Variants in ATP6V1C2 observed in about 807,000 individuals in gnomAD.
The protein encoded by ATP6V1C2 is ATPase H+ transporting V1 subunit C2.
In ATP6V1C2, 45 loss-of-function variants were observed where a neutral mutation model predicts 56.8. The observed-to-expected ratio is 0.79, with a 90% CI of 0.62 to 1.02. ATP6V1C2 has a LOEUF of 1.02. Among genes scored for constraint, ATP6V1C2 ranks in the 50% least tolerant of loss-of-function variants. The pLI is 0.00. For missense variants in ATP6V1C2, 463 were observed against 519.7 expected, an observed-to-expected ratio of 0.89 and a Z score of 1.06; for synonymous variants, 220 against 201.3, an observed-to-expected ratio of 1.09 and a Z score of -0.79.
chr2:10,747,751 GATA>G (rs774498228), intron 3 of ATP6V1C2, among the ~76,000 whole-genome samples: 10 of 151,652 alleles, frequency 6.6e-5, no homozygotes, highest in Admixed American at 5.3e-4. Flanking sequence ...TATTTTCTCA[GATA>G]ATAATAAAAA....
chr2:10,748,283 T>G (rs1381045466), intron 3 of ATP6V1C2, among the ~76,000 whole-genome samples: 15 of 152,212 alleles, frequency 9.9e-5, no homozygotes, highest in Admixed American at 9.8e-4. Flanking sequence ...TGCTGCTTCC[T>G]CATGGCTAGA....
At chr2:10,778,084 G>A (rs911219443) in intron 11 of ATP6V1C2, among the ~76,000 whole-genome samples, 6 of 152,172 alleles carry the variant, frequency 3.9e-5, no homozygotes, top group Admixed American at 6.5e-5. Flanking sequence ...AGTGTCAGGC[G>A]GGAGCTCGGG....
chr2:10,748,849 G>A (rs1437399905), intron 3 of ATP6V1C2, among the ~76,000 whole-genome samples: 1 of 151,990 alleles, frequency 6.6e-6, no homozygotes, highest in Non-Finnish European at 1.5e-5. Context: ...GAGTCTTCTG[G>A]CTGGACACGG....
At chr2:10,779,838 G>T (rs949139392) in intron 12 of ATP6V1C2, among the ~76,000 whole-genome samples, 5 of 152,028 alleles carry the variant, frequency 3.3e-5, no homozygotes, top group African/African-American at 1.2e-4. Context: ...AGGTTTTGTT[G>T]TTTTTTTATG....
At position 10,729,537 on chromosome 2, in the gene ATP6V1C2, A is replaced by G. The variant is rs370573666; in HGVS notation, c.197+2968A>G. Among the ~76,000 whole-genome samples, 8 of 152,300 alleles carry G rather than the reference A, an allele frequency of 5.3e-5. No homozygotes were observed. In the East Asian group the frequency reaches 1.5e-3, roughly 29 times the overall value. ...CATCTAATTTTCTCAACATATAAAT[A>G]TAATTTCTGGATAACGTAGTAATAG... is the stretch of plus-strand genomic sequence containing the variant. On this transcript the variant is annotated intron_variant, in intron 3 of 13. Transcript: ENST00000272238.
chr2:10,750,920 GCATAGTAGTTGTTAGTGCTTGGTA>G (rs1558402272), intron 3 of ATP6V1C2, among the ~76,000 whole-genome samples: 8 of 152,128 alleles, frequency 5.3e-5, no homozygotes, highest in African/African-American at 1.4e-4. Flanking sequence ...AGTGCTTGGC[GCATAGTAGTTGTTAGTGCTTGGTA>G]CATAGTAGTT....
intron 3 of ATP6V1C2, among the ~76,000 whole-genome samples, chr2:10,742,176 C>G (rs1662589434): frequency 6.6e-6 from 1 of 152,162 alleles, no homozygotes; most frequent in East Asian, 1.9e-4. Context: ...TCCCAAAGTG[C>G]TGGGATTATA....
intron 3 of ATP6V1C2, among the ~76,000 whole-genome samples, chr2:10,751,658 G>T (rs549509451): frequency 1.4e-4 from 21 of 152,190 alleles, no homozygotes; most frequent in South Asian, 8.3e-4. Flanking sequence ...GAAGGGATGG[G>T]GCACATTACT....
chr2:10,761,174 G>A (rs1663884304), intron 4 of ATP6V1C2, among the ~76,000 whole-genome samples: 1 of 152,154 alleles, frequency 6.6e-6, no homozygotes, highest in Non-Finnish European at 1.5e-5. Flanking sequence ...GAGGAGAGTA[G>A]GGAGTTGTGG....
intron 12 of ATP6V1C2, among the ~76,000 whole-genome samples, chr2:10,781,560 CA>C (rs1302614309): frequency 6.6e-6 from 1 of 152,150 alleles, no homozygotes; most frequent in Non-Finnish European, 1.5e-5. Context: ...GCCCCGTCTG[CA>C]CAGAGTACTA....
At chr2:10,754,440 G>T (rs889070724) in intron 4 of ATP6V1C2, among the ~76,000 whole-genome samples, 1 of 152,072 alleles carries the variant, frequency 6.6e-6, no homozygotes, top group African/African-American at 2.4e-5. Context: ...TGGCCAGGCT[G>T]GCCTCAAGCT....
chr2:10,748,568 C>T (rs1041374699), intron 3 of ATP6V1C2, among the ~76,000 whole-genome samples: 6 of 152,040 alleles, frequency 3.9e-5, no homozygotes, highest in African/African-American at 1.5e-4. Flanking sequence ...ATATTGTTTA[C>T]AGTGCTTTTT....
rs189358032 is a variant in ATP6V1C2, at chr2:10,759,397, G to A, written c.284-4934G>A. Among the ~76,000 whole-genome samples the A allele has an allele frequency of 6.4e-4, 98 of 152,304 alleles. 1 individual carries two copies. In the East Asian group the frequency reaches 7.7e-3, roughly 12 times the overall value. ...TCGAGGCTTGTCTGGCTTGCTGGGC[G>A]ATGGGCCGCAGTCTGGTTGGTCACA... On this transcript the variant is annotated intron_variant, in intron 4 of 13. Coordinates refer to ENST00000272238, the MANE Select transcript of ATP6V1C2 (RefSeq NM_001039362.2).
At chr2:10,755,868 G>A (rs914769444) in intron 4 of ATP6V1C2, among the ~76,000 whole-genome samples, 1 of 152,204 alleles carries the variant, frequency 6.6e-6, no homozygotes, top group Non-Finnish European at 1.5e-5. Flanking sequence ...TGTCTGCCTC[G>A]TTCGTGCTGA....
At chr2:10,740,421 A>G (rs1662485056) in intron 3 of ATP6V1C2, among the ~76,000 whole-genome samples, 1 of 152,122 alleles carries the variant, frequency 6.6e-6, no homozygotes, top group Non-Finnish European at 1.5e-5. Context: ...GCACAACTCC[A>G]GGGGAAGCCC....
chr2:10,765,394 A>G (rs1050791338), intron 5 of ATP6V1C2, among the ~76,000 whole-genome samples: 6 of 152,292 alleles, frequency 3.9e-5, no homozygotes, highest in South Asian at 2.1e-4. Context: ...TGAGCCCCTA[A>G]TGTGTCCCCT....
chr2:10,772,631 G>A (rs1249057185), intron 8 of ATP6V1C2, 21 bp downstream of exon 8: 10 of 1,606,574 alleles, frequency 6.2e-6, no homozygotes, highest in South Asian at 3.3e-5. Flanking sequence ...CCCCAGCTTG[G>A]TCCCAGGGCC....
Position 10,780,571 on chromosome 2 carries a change from T to TG in ATP6V1C2, c.1062-1672_1062-1671insG, listed in dbSNP as rs1665284624. On this transcript the variant is annotated intron_variant, in intron 12 of 13. Coordinates refer to ENST00000272238, the MANE Select transcript of ATP6V1C2 (RefSeq NM_001039362.2). This position sits in a 1 kb window ranked among gnomAD's most constrained non-coding sequence, Gnocchi z 4.1. Reference sequence around the variant, plus strand: ...CATTGGGTTGGAGGGTGTACCCAGCTCCTGGGAGTGTTCTAGCCATCTCTA... The same window carrying TG: ...CATTGGGTTGGAGGGTGTACCCAGCTGCCTGGGAGTGTTCTAGCCATCTCTA... Among the ~76,000 whole-genome samples the TG allele has an allele frequency of 6.6e-6, 1 of 152,210 alleles. No homozygotes were observed. The highest frequency in any genetic ancestry group is 1.5e-5 in the Non-Finnish European group (1 of 68,040).
intron 12 of ATP6V1C2, among the ~76,000 whole-genome samples, chr2:10,779,708 C>T (rs923751232): frequency 1.7e-5 from 2 of 117,336 alleles, no homozygotes; most frequent in African/African-American, 6.0e-5. Flanking sequence ...AAAAAAAAAA[C>T]TTCACTGTGG....
Sources: gnomAD v4.1 joint callset for allele counts (sites outside exome capture counted in the v4.1 genomes callset) on GRCh38, gnomAD v4.1.1 for gene constraint, Gnocchi (gnomAD v3.1) non-coding constraint, MANE v1.5 for transcripts, NCBI Gene and HGNC (gene_info 2026-07-23, HGNC 2026-07-21) for gene names.